The following ATP5MF variants were observed in gnomAD, a reference collection of about 807,000 sequenced individuals.
The protein encoded by ATP5MF is ATP synthase membrane subunit f, also known as ATP synthase F(0) complex subunit f, mitochondrial.
A neutral mutation model predicts 13.8 loss-of-function variants in ATP5MF; 10 were observed. The observed-to-expected ratio is 0.72, with a 90% CI of 0.45 to 1.23. ATP5MF has a LOEUF of 1.23. Among genes scored for constraint, ATP5MF ranks in the 50% most tolerant of loss-of-function variants. The pLI, the probability that ATP5MF is intolerant of heterozygous loss-of-function variation, is 0.00. For synonymous variants in ATP5MF, 40 were observed against 45.8 expected, an observed-to-expected ratio of 0.87 and a Z score of 0.51; for missense variants, 122 against 118.2, an observed-to-expected ratio of 1.03 and a Z score of -0.15.
chr7:99,462,369 G>A (rs1276479657), intron 1 of ATP5MF, among the ~76,000 whole-genome samples: 2 of 151,568 alleles, frequency 1.3e-5, no homozygotes, highest in African/African-American at 2.4e-5. Flanking sequence ...TAGGGAGGCT[G>A]AGGCAGGAGA....
chr7:99,458,469 T>A, intron 3 of ATP5MF, 114 bp from the exon 4 acceptor site: 3 of 1,078,218 alleles, frequency 2.8e-6, no homozygotes, highest in Non-Finnish European at 4.0e-6. Flanking sequence ...CCTTCAGAGA[T>A]GACCCATGAC....
rs139114748 is a variant in ATP5MF, at chr7:99,460,482, A to G, written c.32-289T>C. 8.4e-5 allele frequency: 54 copies of G among 642,658 alleles called. No homozygotes were observed. In the African/African-American group the frequency reaches 8.8e-4, roughly 11 times the overall value. The allele number at this position is 642,658 out of a possible 1,614,324, so 39.8% of individuals were successfully genotyped here. A position where few individuals can be genotyped will look rare whatever the true frequency, so the allele number is the denominator to read the frequency against. ...GAAAAGGGTCTCGAAAAAAGCAGTAACGTGGCGGACAGGAAAGATTACTGC... is the reference window on the plus strand; with the variant it reads ...GAAAAGGGTCTCGAAAAAAGCAGTAGCGTGGCGGACAGGAAAGATTACTGC... On this transcript the variant is annotated intron_variant, in intron 1 of 3. Coordinates refer to ENST00000292475, the MANE Select transcript of ATP5MF (RefSeq NM_004889.5).
At chr7:99,465,268 AAT>A (rs1798816891) in intron 1 of ATP5MF, among the ~76,000 whole-genome samples, 1 of 152,092 alleles carries the variant, frequency 6.6e-6, no homozygotes, top group Admixed American at 6.6e-5. Flanking sequence ...TCAAAAAAAA[AAT>A]GATAAAAAAA....
chr7:99,458,985 C>A (rs1362556728), intron 3 of ATP5MF, 162 bp downstream of exon 3: 7 of 599,962 alleles, frequency 1.2e-5, no homozygotes, highest in Non-Finnish European at 2.1e-5. Context: ...ATCCCACATA[C>A]TGTACTCTGA....
chr7:99,461,131 C>T (rs528045518), intron 1 of ATP5MF, among the ~76,000 whole-genome samples: 17 of 152,222 alleles, frequency 1.1e-4, no homozygotes, highest in African/African-American at 4.1e-4. Context: ...AGTGGGTGGG[C>T]CTGTGGGCGT....
chr7:99,459,409 A>T (rs1019366745), intron 2 of ATP5MF, 146 bp from the exon 3 acceptor site: 3 of 657,040 alleles, frequency 4.6e-6, no homozygotes, highest in Non-Finnish European at 8.2e-6. Context: ...GCTGATAAAG[A>T]TGACAAGCAC....
chr7:99,459,574 TAA>T, intron 2 of ATP5MF: 2 of 309,890 alleles, frequency 6.5e-6, no homozygotes, highest in Admixed American at 9.5e-5. Context: ...CACAGCCAGC[TAA>T]TTTTTCTTGT....
intron 2 of ATP5MF, 108 bp downstream of exon 2, chr7:99,459,977 AC>A: frequency 7.9e-7 from 1 of 1,264,774 alleles, no homozygotes; most frequent in Non-Finnish European, 1.1e-6. Context: ...TACATAACTT[AC>A]TGCTTTCAGA....
chr7:99,459,700 C>T (rs1562871128), intron 2 of ATP5MF: 1 of 255,068 alleles, frequency 3.9e-6, no homozygotes, highest in East Asian at 1.0e-4. Context: ...AGGCATAAGC[C>T]ACCACACCAG....
chr7:99,462,191 G>A (rs1419814368), intron 1 of ATP5MF, among the ~76,000 whole-genome samples: 2 of 146,274 alleles, frequency 1.4e-5, no homozygotes, highest in Admixed American at 7.0e-5. Flanking sequence ...GGTGGCTCAC[G>A]CCTGTAATCC....
At chr7:99,459,099 A>AC (rs778355060) in intron 3 of ATP5MF, 48 bp downstream of exon 3, 45 of 1,440,302 alleles carry the variant, frequency 3.1e-5, no homozygotes, top group Middle Eastern at 2.4e-4. Flanking sequence ...ATCAGTCACC[A>AC]CCACCCTCTC....
At chr7:99,462,288 T>TAAAAAAAA (rs755455949) in intron 1 of ATP5MF, among the ~76,000 whole-genome samples, 3 of 30,872 alleles carry the variant, frequency 9.7e-5, no homozygotes, top group African/African-American at 1.3e-4. Flanking sequence ...CCATCACTAC[T>TAAAAAAAA]AAAAAAAAAA....
chr7:99,464,627 C>T (rs1007038643), intron 1 of ATP5MF, among the ~76,000 whole-genome samples: 20 of 151,870 alleles, frequency 1.3e-4, no homozygotes, highest in African/African-American at 4.8e-4. Context: ...CGCGCCACTG[C>T]ACTCCAGCCT....
chr7:99,460,200 C>T lies in ATP5MF; in HGVS notation c.32-7G>A, dbSNP rs776656692. ...TTCTTGTCCTTCACTGGTACTGAAA[C>T]GGAAGAGTGAGAAAAAATACCCACT... On this transcript the variant is annotated splice_region_variant and splice_polypyrimidine_tract_variant and intron_variant, in intron 1 of 3. Transcript: ENST00000292475. 1.7e-5 allele frequency: 28 copies of T among 1,613,034 alleles called. No individual in the cohort carries two copies. The highest frequency in any genetic ancestry group is 5.3e-5 in the African/African-American group (4 of 74,852).
rs551269592 is a variant in ATP5MF, at chr7:99,462,601, C to G, written c.32-2408G>C. On this transcript the variant is annotated intron_variant, in intron 1 of 3. Coordinates refer to ENST00000292475, the MANE Select transcript of ATP5MF (RefSeq NM_004889.5). ...ACCAGCCTGGCCAACATAGTGAAAC[C>G]TCATCTCTACTAAAAATACAAAAAT... Among the ~76,000 whole-genome samples, 3 of 151,924 alleles carry G rather than the reference C, an allele frequency of 2.0e-5. No homozygotes were observed. In the East Asian group the frequency reaches 5.8e-4, roughly 29 times the overall value.
At chr7:99,464,166 A>C (rs138426862) in intron 1 of ATP5MF, among the ~76,000 whole-genome samples, 10 of 152,316 alleles carry the variant, frequency 6.6e-5, no homozygotes, top group Non-Finnish European at 1.5e-4. Flanking sequence ...TCACATGCTA[A>C]ATCGATTGAT....
In ATP5MF at chr7:99,458,253, C is replaced by T. The variant is rs1462411258; in HGVS notation, c.*74G>A. The stretch of plus-strand genomic sequence containing the variant: ...ATTAGGATATGAAAGGATTCAGCAA[C>T]GATTGAGATTGTGTTCCTCACGGAG... On this transcript the variant is annotated 3_prime_UTR_variant, in exon 4 of 4. Coordinates refer to ENST00000292475, the MANE Select transcript of ATP5MF (RefSeq NM_004889.5). The T allele has an allele frequency of 1.6e-5, 23 of 1,451,606 alleles. No homozygotes were observed. The highest frequency in any genetic ancestry group is 1.5e-4 in the South Asian group (12 of 82,678). The allele number at this position is 1,451,606 out of a possible 1,614,324, so 89.9% of individuals were successfully genotyped here.
intron 1 of ATP5MF, among the ~76,000 whole-genome samples, chr7:99,465,374 A>T (rs896411877): frequency 6.6e-6 from 1 of 152,230 alleles, no homozygotes; most frequent in Non-Finnish European, 1.5e-5. Context: ...CATCCCGAAC[A>T]GTTATTTCCC....
intron 1 of ATP5MF, among the ~76,000 whole-genome samples, chr7:99,462,674 C>A (rs1277512430): frequency 1.3e-5 from 2 of 152,190 alleles, no homozygotes; most frequent in Non-Finnish European, 2.9e-5. Context: ...ACTCGGGAGG[C>A]TGAGACAGGA....
Sources: gnomAD v4.1 joint callset for allele counts (sites outside exome capture counted in the v4.1 genomes callset) on GRCh38, gnomAD v4.1.1 for gene constraint, MANE v1.5 for transcripts, NCBI Gene and HGNC (gene_info 2026-07-23, HGNC 2026-07-21) for gene names.